Variants in PPL observed in about 807,000 individuals in gnomAD.
The protein encoded by PPL is periplakin.
A neutral mutation model predicts 194.4 loss-of-function variants in PPL; 198 were observed. The ratio of observed to expected loss-of-function variants is 1.02; its 90% CI spans 0.91 to 1.15. PPL has a LOEUF of 1.15. Ranked by LOEUF, PPL falls within the 50% of genes most tolerant of loss-of-function variation. The pLI, the probability that PPL is intolerant of heterozygous loss-of-function variation, is 0.00. For synonymous variants in PPL, 1,220 were observed against 972.4 expected (o/e 1.25, Z -4.74); for missense variants, 2,885 against 2,294.8 (o/e 1.26, Z -5.25).
At position 4,902,586 on chromosome 16, in the gene PPL, G is replaced by A. The variant is rs902102028; in HGVS notation, c.318-60C>T. 10 of 1,580,024 alleles carry A rather than the reference G, an allele frequency of 6.3e-6. No homozygotes were observed. The East Asian group carries it at 2.1e-4, about 32-fold the overall frequency. On this transcript the variant is annotated intron_variant, in intron 3 of 21. Transcript: ENST00000345988. The surrounding 1 kb of genome is among the most constrained non-coding windows in gnomAD (Gnocchi z 4.0). The stretch of plus-strand genomic sequence containing the variant: ...GTTGGCACTGCCTGCACCCCAGGAG[G>A]GGCCCCCCACCCAGACCCCGGCCTC...
In PPL at chr16:4,883,055, T is replaced by C; in HGVS notation, c.*329A>G. 3.2e-6 allele frequency: 1 copy of C among 310,864 alleles called. No individual in the cohort carries two copies. The highest frequency in any genetic ancestry group is 9.6e-5 in the East Asian group (1 of 10,432). The allele number at this position is 310,864 out of a possible 1,614,324, so 19.3% of individuals were successfully genotyped here. ...GGGCTTGGCTGCTGTGGTTGGCTTG[T>C]CCTTCAGTGGTTTTCAGATTGTGTG... On this transcript the variant is annotated 3_prime_UTR_variant, in exon 22 of 22. Transcript: ENST00000345988. This position sits in a 1 kb window ranked among gnomAD's most constrained non-coding sequence, Gnocchi z 4.8.
intron 1 of PPL, among the ~76,000 whole-genome samples, chr16:4,924,790 A>G (rs1484322694): frequency 1.3e-5 from 2 of 151,138 alleles, no homozygotes; most frequent in Admixed American, 1.3e-4. Context: ...GCTGTGCTGG[A>G]GGCACCTGGC....
At chr16:4,932,341 C>T (rs1254590693) in intron 1 of PPL, among the ~76,000 whole-genome samples, 1 of 152,090 alleles carries the variant, frequency 6.6e-6, no homozygotes, top group Non-Finnish European at 1.5e-5. Flanking sequence ...CAACACTGAT[C>T]GATGGGTGCA....
chr16:4,885,023 C>T lies in PPL; in HGVS notation c.3632G>A (p.Ser1211Asn). The change falls in exon 22 of 22, where the codon AGC becomes AAC. Residue 1211 changes from serine (S) to asparagine (N), a missense_variant. Coordinates refer to ENST00000345988, the MANE Select transcript of PPL (RefSeq NM_002705.5). The surrounding 1 kb of genome is among the most constrained non-coding windows in gnomAD (Gnocchi z 6.3). ...GAGGGCCTCCAGCTCACTCTGGTAGCTCCGGAGCTGCTCCTCGGCACCCCG... is the reference window on the plus strand; with the variant it reads ...GAGGGCCTCCAGCTCACTCTGGTAGTTCCGGAGCTGCTCCTCGGCACCCCG... ...KYRGAEEQLR[S>N]YQSELEALRR... is the part of the protein sequence containing the mutation. 1 of 1,613,788 alleles carries T rather than the reference C, an allele frequency of 6.2e-7. No homozygotes were observed. Among genetic ancestry groups the T allele is most frequent in the South Asian group, 1.1e-5 (1 of 91,078 alleles).
At chr16:4,910,759 G>A in intron 2 of PPL, 91 bp downstream of exon 2, 1 of 1,156,184 alleles carries the variant, frequency 8.6e-7, no homozygotes, top group Non-Finnish European at 1.3e-6. Context: ...ATCACCCCTG[G>A]GTGAGAATCA....
chr16:4,899,298 C>G lies in PPL; in HGVS notation c.693G>C (p.Gln231His). Residue 231 changes from glutamine to histidine, a missense_variant, in exon 7 of 22, where the codon CAG becomes CAC. Physicochemically the swap from Gln to His is conservative, Grantham distance 24. Transcript: ENST00000345988. ...CGTACTGCATGCGGCCCTTGGCCTG[C>G]TGGTCCAGCCAGTACAGCTCATTGG... Reference protein sequence around the residue: ...RCTNELYWLDQQAKGRMQYDW... With the variant: ...RCTNELYWLDHQAKGRMQYDW... The G allele has an allele frequency of 6.2e-7, 1 of 1,613,724 alleles. No individual in the cohort carries two copies. The highest frequency in any genetic ancestry group is 8.5e-7 in the Non-Finnish European group (1 of 1,179,996).
At position 4,894,468 on chromosome 16, in the gene PPL, T is replaced by C; in HGVS notation, c.1393A>G (p.Ser465Gly). 1 of 1,613,768 alleles carries C rather than the reference T, an allele frequency of 6.2e-7. No homozygotes were observed. Among genetic ancestry groups the C allele is most frequent in the Non-Finnish European group, 8.5e-7 (1 of 1,179,916 alleles). ...AGACTCCCGCCTTTGCCCTTGTACCTGTCAGCCAGAGCCAGGGCCTCAGGG... is the reference window on the plus strand; with the variant it reads ...AGACTCCCGCCTTTGCCCTTGTACCCGTCAGCCAGAGCCAGGGCCTCAGGG... ...TDPEALALAD[S>G]LGSQYRSVRQ... The change falls in exon 12 of 22, where the codon AGC becomes GGC. Residue 465 changes from serine to glycine, a missense_variant and splice_region_variant. Transcript: ENST00000345988.
Position 4,885,275 on chromosome 16 carries a change from T to C in PPL, c.3380A>G (p.Glu1127Gly), listed in dbSNP as rs748222696. 1 of 1,611,752 alleles carries C rather than the reference T, an allele frequency of 6.2e-7. No homozygotes were observed. The highest frequency in any genetic ancestry group is 8.5e-7 in the Non-Finnish European group (1 of 1,179,960). ...GCGGGTGAGATCGCTGACCTCCCTCTCGGTGGCCGCGTCCTTCTCCACCTT... is the reference window on the plus strand; with the variant it reads ...GCGGGTGAGATCGCTGACCTCCCTCCCGGTGGCCGCGTCCTTCTCCACCTT... Reference protein sequence around the residue: ...VLKVEKDAATEREVSDLTRQY... With the variant: ...VLKVEKDAATGREVSDLTRQY... Residue 1127 changes from glutamate (E) to glycine (G), a missense_variant, in exon 22 of 22, where the codon GAG (glutamate) becomes GGG (glycine). Physicochemically the swap from Glu to Gly is moderately conservative, Grantham distance 98. Transcript: ENST00000345988. The surrounding 1 kb of genome is among the most constrained non-coding windows in gnomAD (Gnocchi z 6.3).
intron 1 of PPL, among the ~76,000 whole-genome samples, chr16:4,923,067 AGGGTACAG>A (rs963121448): frequency 3.0e-4 from 45 of 152,242 alleles, no homozygotes; most frequent in African/African-American, 9.4e-4. Flanking sequence ...GGGGATTTGA[AGGGTACAG>A]GGTGTTCCCA....
intron 1 of PPL, among the ~76,000 whole-genome samples, chr16:4,924,227 C>G (rs1345948814): frequency 6.6e-6 from 1 of 152,134 alleles, no homozygotes; most frequent in Non-Finnish European, 1.5e-5. Context: ...TTTATTTAAC[C>G]TAATATATCC....
At position 4,883,533 on chromosome 16, in the gene PPL, A is replaced by G. The variant is rs559307094; in HGVS notation, c.5122T>C (p.Ser1708Pro). ...ISVKGPNGES[S>P]VIHDRKSGKK... ...CCAGACTTCCTGTCGTGTATCACTG[A>G]GGACTCCCCATTGGGACCCTTCACT... The change falls in exon 22 of 22, where the codon TCA becomes CCA. Residue 1708 changes from serine (S) to proline (P), a missense_variant. Physicochemically the swap from Ser to Pro is moderately conservative, Grantham distance 74. Coordinates refer to ENST00000345988, the MANE Select transcript of PPL (RefSeq NM_002705.5). The surrounding 1 kb of genome is among the most constrained non-coding windows in gnomAD (Gnocchi z 4.8). 2 of 1,614,174 alleles carry G rather than the reference A, an allele frequency of 1.2e-6. No homozygotes were observed. Among genetic ancestry groups the G allele is most frequent in the African/African-American group, 2.7e-5 (2 of 75,046 alleles).
At chr16:4,904,354 C>T (rs2088639682) in intron 2 of PPL, among the ~76,000 whole-genome samples, 1 of 152,216 alleles carries the variant, frequency 6.6e-6, no homozygotes, top group Non-Finnish European at 1.5e-5. Flanking sequence ...ACAGAAGAGA[C>T]ATGGCCTCCC....
rs2088604205 is a variant in PPL, at chr16:4,902,840, C to G, written c.318-314G>C. On this transcript the variant is annotated intron_variant, in intron 3 of 21. Coordinates refer to ENST00000345988, the MANE Select transcript of PPL (RefSeq NM_002705.5). This position sits in a 1 kb window ranked among gnomAD's most constrained non-coding sequence, Gnocchi z 4.0. ...GAGTAGCTGGGATTACAGGCATGTG[C>G]CACCTCGCCTGGGTAATTTTGTATT... is the stretch of plus-strand genomic sequence containing the variant. 6.6e-6 allele frequency among the ~76,000 whole-genome samples: 1 copy of G among 152,196 alleles called. No homozygotes were observed. The highest frequency in any genetic ancestry group is 2.4e-5 in the African/African-American group (1 of 41,450).
At chr16:4,917,394 G>A (rs1038656779) in intron 1 of PPL, among the ~76,000 whole-genome samples, 2 of 152,194 alleles carry the variant, frequency 1.3e-5, no homozygotes, top group African/African-American at 2.4e-5. Flanking sequence ...CTCAGTGAGA[G>A]AAGCCAGACA....
intron 1 of PPL, among the ~76,000 whole-genome samples, chr16:4,935,239 GTTCATTA>G (rs1256055166): frequency 6.6e-6 from 1 of 152,192 alleles, no homozygotes; most frequent in African/African-American, 2.4e-5. Context: ...GCTTGTCTGG[GTTCATTA>G]GAACCTTTTG....
intron 17 of PPL, 28 bp from the exon 18 acceptor site, chr16:4,890,362 G>C (rs2088296638): frequency 1.3e-6 from 2 of 1,570,996 alleles, no homozygotes; most frequent in Non-Finnish European, 1.7e-6. Flanking sequence ...TCAGGCCTCA[G>C]CCACAGCAAA....
chr16:4,892,521 G>A (rs1331858379), intron 14 of PPL, among the ~76,000 whole-genome samples: 1 of 152,200 alleles, frequency 6.6e-6, no homozygotes, highest in Non-Finnish European at 1.5e-5. Context: ...GCAACCCCGG[G>A]AGGTGAGTAC....
chr16:4,903,312 C>A (rs529934972), intron 3 of PPL, among the ~76,000 whole-genome samples: 8 of 152,004 alleles, frequency 5.3e-5, no homozygotes, highest in Non-Finnish European at 1.2e-4. Flanking sequence ...CGGAAGAGCT[C>A]GCTCAAAAGC....
intron 20 of PPL, 75 bp from the exon 21 acceptor site, chr16:4,887,302 T>C (rs901552063): frequency 1.5e-5 from 17 of 1,106,540 alleles, no homozygotes; most frequent in Non-Finnish European, 2.3e-5. Context: ...CTAGACAGCG[T>C]GGACGTGGTT....
Sources: gnomAD v4.1 joint callset for allele counts (sites outside exome capture counted in the v4.1 genomes callset) on GRCh38, gnomAD v4.1.1 for gene constraint, Gnocchi (gnomAD v3.1) non-coding constraint, MANE v1.5 for transcripts, NCBI Gene and HGNC (gene_info 2026-07-23, HGNC 2026-07-21) for gene names.